Variants in NECAB1 observed in about 807,000 individuals in gnomAD.
NECAB1 encodes N-terminal EF-hand calcium binding protein 1.
A neutral mutation model predicts 57.5 loss-of-function variants in NECAB1; 29 were observed. The ratio of observed to expected loss-of-function variants is 0.50; its 90% confidence interval spans 0.38 to 0.69. The LOEUF (loss-of-function observed/expected upper bound fraction) is 0.69. Among genes scored for constraint, NECAB1 ranks in the 30% least tolerant of loss-of-function variants. The pLI is 0.00. For missense variants in NECAB1, 372 were observed against 413.8 expected, an observed-to-expected ratio of 0.90 and a Z score of 0.88; for synonymous variants, 142 against 147.7, an observed-to-expected ratio of 0.96 and a Z score of 0.28.
intron 3 of NECAB1, among the ~76,000 whole-genome samples, chr8:90,835,694 A>C (rs1342141124): frequency 1.3e-5 from 2 of 152,124 alleles, no homozygotes; most frequent in African/African-American, 4.8e-5. Context: ...TATGTTTGCT[A>C]ATTGTTTCAT....
At chr8:90,879,369 G>A (rs2976976) in intron 4 of NECAB1, among the ~76,000 whole-genome samples, 2 of 151,064 alleles carry the variant, frequency 1.3e-5, no homozygotes, top group Admixed American at 6.6e-5. Context: ...GGCTGGTCAC[G>A]AATTCCTGGG....
intron 3 of NECAB1, among the ~76,000 whole-genome samples, chr8:90,833,926 G>C (rs932942150): frequency 6.6e-6 from 1 of 152,094 alleles, no homozygotes; most frequent in Non-Finnish European, 1.5e-5. Flanking sequence ...ACTTTGGAAG[G>C]CTGAGGCAGG....
In NECAB1 at chr8:90,803,794, TTA is replaced by T. The variant is rs1586031045; in HGVS notation, c.124+2081_124+2082del. On this transcript the variant is annotated intron_variant, in intron 2 of 12. Coordinates refer to ENST00000417640, the MANE Select transcript of NECAB1 (RefSeq NM_022351.5). ...TGGGCACCCTCCATCTGCCACACTG[TTA>T]TGTTACCCTGCTGTGACCTCCGCCT... is the stretch of plus-strand genomic sequence containing the variant. Among the ~76,000 whole-genome samples, 3 of 152,284 alleles carry T rather than the reference TTA, an allele frequency of 2.0e-5. No homozygotes were observed. The South Asian group carries it at 6.2e-4, about 32-fold the overall frequency.
chr8:90,840,066 T>C (rs1297844169), intron 3 of NECAB1, among the ~76,000 whole-genome samples: 1 of 152,198 alleles, frequency 6.6e-6, no homozygotes, highest in Non-Finnish European at 1.5e-5. Flanking sequence ...GGAAAGCTTT[T>C]GAATAAGAAT....
intron 9 of NECAB1, among the ~76,000 whole-genome samples, chr8:90,938,834 G>T (rs1810602209): frequency 6.6e-6 from 1 of 152,154 alleles, no homozygotes; most frequent in Non-Finnish European, 1.5e-5. Context: ...AAATTCAGTG[G>T]CTTAACACAA....
intron 3 of NECAB1, among the ~76,000 whole-genome samples, chr8:90,867,345 C>T (rs879690129): frequency 4.6e-5 from 7 of 152,200 alleles, no homozygotes; most frequent in Non-Finnish European, 7.4e-5. Context: ...CTGAGGAAAA[C>T]AAATATAAAA....
intron 2 of NECAB1, among the ~76,000 whole-genome samples, chr8:90,821,432 A>C (rs1445406515): frequency 6.6e-6 from 1 of 151,650 alleles, no homozygotes; most frequent in Non-Finnish European, 1.5e-5. Flanking sequence ...TTCATATCTA[A>C]CTCTGACTCT....
intron 2 of NECAB1, among the ~76,000 whole-genome samples, chr8:90,802,226 C>A (rs1811768653): frequency 6.6e-6 from 1 of 152,186 alleles, no homozygotes; most frequent in Non-Finnish European, 1.5e-5. Flanking sequence ...TTATCTCTAC[C>A]CCATTGTTCC....
At chr8:90,929,517 A>G (rs895000071) in intron 8 of NECAB1, among the ~76,000 whole-genome samples, 2 of 152,146 alleles carry the variant, frequency 1.3e-5, no homozygotes, top group Admixed American at 6.5e-5. Flanking sequence ...CCTCCACTGC[A>G]ATAAATGAGT....
intron 4 of NECAB1, 35 bp from the exon 5 acceptor site, chr8:90,880,997 CA>C: frequency 6.8e-7 from 1 of 1,474,204 alleles, no homozygotes; most frequent in East Asian, 2.5e-5. Context: ...TACCTAAACT[CA>C]AATATGAATT....
intron 2 of NECAB1, among the ~76,000 whole-genome samples, chr8:90,804,114 C>G (rs1811810404): frequency 6.6e-6 from 1 of 152,028 alleles, no homozygotes; most frequent in Non-Finnish European, 1.5e-5. Flanking sequence ...GATGGTATGC[C>G]CAGCCAGTGC....
At position 90,837,324 on chromosome 8, in the gene NECAB1, T is replaced by A. The variant is rs569916824; in HGVS notation, c.233+12499T>A. ...TCCAGATAGAACAGAACCCTATGTA[T>A]ACTATGTTTTTTCCTATCTGATAAC... On this transcript the variant is annotated intron_variant, in intron 3 of 12. Coordinates refer to ENST00000417640, the MANE Select transcript of NECAB1 (RefSeq NM_022351.5). Among the ~76,000 whole-genome samples the A allele has an allele frequency of 1.2e-4, 18 of 152,308 alleles. No homozygotes were observed. The South Asian group carries it at 1.9e-3, about 16-fold the overall frequency.
chr8:90,929,347 T>C (rs1810352028), intron 8 of NECAB1, among the ~76,000 whole-genome samples: 1 of 152,144 alleles, frequency 6.6e-6, no homozygotes, highest in Non-Finnish European at 1.5e-5. Context: ...TTGCAAACAA[T>C]AGAAATCATT....
At chr8:90,942,084 A>T (rs375423544) in intron 10 of NECAB1, among the ~76,000 whole-genome samples, 3 of 152,278 alleles carry the variant, frequency 2.0e-5, no homozygotes, top group African/African-American at 7.2e-5. Flanking sequence ...TTCATACCCC[A>T]GCAGAATATT....
rs926381804 is a variant in NECAB1 at position 90,905,900 on chromosome 8, T to G, written c.358-11592T>G. On this transcript the variant is annotated intron_variant, in intron 5 of 12. Coordinates refer to ENST00000417640, the MANE Select transcript of NECAB1 (RefSeq NM_022351.5). ...TTTCACATATCCATTGGATGTTTAT[T>G]TTTTGGAAGTTCTTACTGCCTCTTT... Among the ~76,000 whole-genome samples, 7 of 152,210 alleles carry G rather than the reference T, an allele frequency of 4.6e-5. No individual in the cohort carries two copies. The South Asian group carries it at 1.4e-3, about 32-fold the overall frequency.
At chr8:90,923,018 T>C (rs1302401641) in intron 6 of NECAB1, among the ~76,000 whole-genome samples, 1 of 152,104 alleles carries the variant, frequency 6.6e-6, no homozygotes, top group Non-Finnish European at 1.5e-5. Flanking sequence ...TGGAAATTGA[T>C]TTAGAAGCTC....
intron 8 of NECAB1, among the ~76,000 whole-genome samples, chr8:90,931,599 T>A (rs1810405699): frequency 1.3e-5 from 2 of 152,172 alleles, no homozygotes; most frequent in Non-Finnish European, 2.9e-5. Flanking sequence ...TTTTGCTTGA[T>A]CCCTGTAGAA....
At chr8:90,920,430 G>A (rs117141690) in intron 6 of NECAB1, among the ~76,000 whole-genome samples, 2,515 of 152,232 alleles carry the variant, frequency 0.017, 17 homozygotes, top group East Asian at 0.033. Context: ...GGAGAGCCCT[G>A]GGACCTTCAT....
At chr8:90,797,835 T>A (rs1811687729) in intron 1 of NECAB1, among the ~76,000 whole-genome samples, 1 of 152,230 alleles carries the variant, frequency 6.6e-6, no homozygotes, top group African/African-American at 2.4e-5. Context: ...GATTACTTAA[T>A]CAGAGACTCA....
Sources: allele counts gnomAD v4.1 joint callset (sites outside exome capture counted in the v4.1 genomes callset), GRCh38; gene constraint gnomAD v4.1.1; transcripts MANE v1.5; gene names NCBI Gene and HGNC (gene_info 2026-07-23, HGNC 2026-07-21).